ESRRG: variants seen among roughly 807,000 people sequenced by gnomAD.
The protein encoded by ESRRG is estrogen-related receptor gamma.
ESRRG carries 13 observed loss-of-function variants against 44.0 expected under a neutral mutation model. The ratio of observed to expected loss-of-function variants is 0.30; its 90% CI spans 0.19 to 0.47. The LOEUF (loss-of-function observed/expected upper bound fraction) is 0.47. Among genes scored for constraint, ESRRG ranks in the 20% least tolerant of loss-of-function variants. The pLI, the probability that ESRRG is intolerant of heterozygous loss-of-function variation, is 1.00. For synonymous variants in ESRRG, 215 were observed against 214.6 expected (o/e 1.00, Z -0.02); for missense variants, 395 against 580.6 (o/e 0.68, Z 3.29).
intron 1 of ESRRG, among the ~76,000 whole-genome samples, chr1:217,085,481 A>ATTTTTTTTTTTTTTT (rs148354268): frequency 3.7e-4 from 18 of 49,122 alleles, no homozygotes; most frequent in African/African-American, 1.7e-3. Context: ...TTTTCTTTTC[A>ATTTTTTTTTTTTTTT]TTTTTTTTTT....
At chr1:216,633,864 C>G (rs556760002) in intron 3 of ESRRG, among the ~76,000 whole-genome samples, 1 of 152,330 alleles carries the variant, frequency 6.6e-6, no homozygotes, top group East Asian at 1.9e-4. Flanking sequence ...AGAATCCCTA[C>G]AGAGTTGAAC....
At chr1:216,575,823 A>G (rs1368543834) in intron 3 of ESRRG, among the ~76,000 whole-genome samples, 2 of 152,132 alleles carry the variant, frequency 1.3e-5, no homozygotes, top group African/African-American at 4.8e-5. Flanking sequence ...CAATACCTGC[A>G]TCATGATATG....
chr1:216,719,004 T>C (rs1433893128), intron 1 of ESRRG, among the ~76,000 whole-genome samples: 1 of 152,068 alleles, frequency 6.6e-6, no homozygotes, highest in Non-Finnish European at 1.5e-5. Flanking sequence ...CAGCATATAA[T>C]TTATTTTATA....
intron 1 of ESRRG, among the ~76,000 whole-genome samples, chr1:216,702,608 C>CCAAAAA (rs2081591869): frequency 7.6e-6 from 1 of 132,352 alleles, no homozygotes; most frequent in Admixed American, 7.7e-5. Context: ...ACTAAAAATA[C>CCAAAAA]AAAAAAAAAA....
At chr1:216,512,199 C>T (rs1218054831) in intron 6 of ESRRG, among the ~76,000 whole-genome samples, 1 of 152,140 alleles carries the variant, frequency 6.6e-6, no homozygotes, top group Non-Finnish European at 1.5e-5. Context: ...CATTATGTAT[C>T]TTGCAATGAA....
chr1:216,726,178 G>C (rs1258975304), upstream of ESRRG, among the ~76,000 whole-genome samples: 1 of 152,172 alleles, frequency 6.6e-6, no homozygotes. Context: ...AAGGTGCAGT[G>C]TTCACTGAAC....
intron 3 of ESRRG, among the ~76,000 whole-genome samples, chr1:216,604,973 G>T (rs989125095): frequency 2.6e-5 from 4 of 152,162 alleles, no homozygotes; most frequent in African/African-American, 9.7e-5. Context: ...CTCATTACCA[G>T]ATGGACAGGT....
chr1:216,889,086 C>T (rs182477118), intron 2 of ESRRG, among the ~76,000 whole-genome samples: 1 of 152,248 alleles, frequency 6.6e-6, no homozygotes, highest in African/African-American at 2.4e-5. Flanking sequence ...ACTTCCTGTG[C>T]CTATCAACTG....
intron 2 of ESRRG, among the ~76,000 whole-genome samples, chr1:216,901,475 C>T (rs1251547341): frequency 6.6e-6 from 1 of 151,766 alleles, no homozygotes; most frequent in Non-Finnish European, 1.5e-5. Context: ...TCAAGCAATC[C>T]TCCCACCTCA....
At chr1:216,730,391 A>T (rs1044291754) in intron 2 of ESRRG, among the ~76,000 whole-genome samples, 1 of 152,102 alleles carries the variant, frequency 6.6e-6, no homozygotes, top group African/African-American at 2.4e-5. Flanking sequence ...TACTGGTAGA[A>T]ATAAATTCTG....
At chr1:216,972,059 T>A (rs1390597496) in intron 1 of ESRRG, among the ~76,000 whole-genome samples, 2 of 152,218 alleles carry the variant, frequency 1.3e-5, no homozygotes. Context: ...TGGTAGAGTT[T>A]TTTTTTCTAT....
intron 2 of ESRRG, among the ~76,000 whole-genome samples, chr1:216,885,437 G>A (rs904089144): frequency 6.6e-6 from 1 of 152,076 alleles, no homozygotes; most frequent in African/African-American, 2.4e-5. Flanking sequence ...TGAGGAGCAG[G>A]TGGAGTATGA....
Position 216,836,137 on chromosome 1 carries a change from G to A in ESRRG, c.-14+103445C>T, listed in dbSNP as rs554690100. On this transcript the variant is annotated intron_variant, in intron 2 of 7. Transcript: ENST00000359162. ...GAAAGAAATCCAGAATGATACATTG[G>A]AAACCTATATTTTTATCATTAGATC... is the stretch of plus-strand genomic sequence containing the variant. 4.7e-4 allele frequency among the ~76,000 whole-genome samples: 71 copies of A among 150,994 alleles called. 1 individual carries two copies. In the South Asian group the frequency reaches 0.015, roughly 31 times the overall value.
chr1:216,759,257 T>C (rs952061803), intron 2 of ESRRG, among the ~76,000 whole-genome samples: 3 of 152,142 alleles, frequency 2.0e-5, no homozygotes, highest in Admixed American at 6.6e-5. Context: ...AGCCTGCCTG[T>C]TGCTGCTCAG....
chr1:217,074,452 C>CCAA (rs1553274510), intron 1 of ESRRG, among the ~76,000 whole-genome samples: 4 of 138,572 alleles, frequency 2.9e-5, no homozygotes, highest in Non-Finnish European at 3.2e-5. Context: ...CCACCCCCCC[C>CCAA]AAAAAAAAAA....
chr1:216,509,020 C>T lies in ESRRG; in HGVS notation c.1133-1837G>A, dbSNP rs553479567. Among the ~76,000 whole-genome samples, 5 of 152,186 alleles carry T rather than the reference C, an allele frequency of 3.3e-5. No individual in the cohort carries two copies. The South Asian group carries it at 1.0e-3, about 32-fold the overall frequency. On this transcript the variant is annotated intron_variant, in intron 6 of 6. Transcript: ENST00000408911. ...CGAAATAACTATTTTCCAACTAGAC[C>T]AAAAACACACCAGAATAAAAATAAT...
At chr1:216,616,556 G>A (rs979480731) in intron 3 of ESRRG, among the ~76,000 whole-genome samples, 3 of 152,070 alleles carry the variant, frequency 2.0e-5, no homozygotes, top group Non-Finnish European at 4.4e-5. Flanking sequence ...TGATGACAGA[G>A]GGCAGTCATT....
chr1:216,843,002 TA>T (rs1460364091), intron 2 of ESRRG, among the ~76,000 whole-genome samples: 1 of 152,180 alleles, frequency 6.6e-6, no homozygotes, highest in Non-Finnish European at 1.5e-5. Flanking sequence ...TGGTCTGGAT[TA>T]AATCTTTCTT....
At chr1:216,753,090 T>C (rs770334733) in intron 2 of ESRRG, among the ~76,000 whole-genome samples, 1 of 151,922 alleles carries the variant, frequency 6.6e-6, no homozygotes, top group Non-Finnish European at 1.5e-5. Context: ...ATGTGTGGCT[T>C]TGCTGTCTTT....
Sources: allele counts gnomAD v4.1 joint callset (sites outside exome capture counted in the v4.1 genomes callset), GRCh38; gene constraint gnomAD v4.1.1; transcripts MANE v1.5; gene names NCBI Gene and HGNC (gene_info 2026-07-23, HGNC 2026-07-21).